The following GALNTL6 variants were observed in gnomAD, a reference collection of about 807,000 sequenced individuals.
The protein encoded by GALNTL6 is polypeptide N-acetylgalactosaminyltransferase-like 6.
A neutral mutation model predicts 73.7 loss-of-function variants in GALNTL6; 46 were observed. The ratio of observed to expected loss-of-function variants is 0.62; its 90% CI spans 0.49 to 0.80. GALNTL6 has a LOEUF of 0.80. Ranked by LOEUF, GALNTL6 falls within the 30% of genes least tolerant of loss-of-function variation. The probability of loss-of-function intolerance (pLI) is 0.00; values close to 1 mark genes in which losing one functional copy is unlikely to be tolerated. For synonymous variants in GALNTL6, 259 were observed against 263.7 expected (o/e 0.98, Z 0.17); for missense variants, 604 against 755.0 (o/e 0.80, Z 2.34).
chr4:172,863,210 C>G (rs1239940616), intron 7 of GALNTL6, among the ~76,000 whole-genome samples: 1 of 152,208 alleles, frequency 6.6e-6, no homozygotes, highest in East Asian at 1.9e-4. Context: ...AAGATGGGAT[C>G]AGAGACCCCA....
intron 2 of GALNTL6, among the ~76,000 whole-genome samples, chr4:171,820,328 A>G (rs1734647457): frequency 1.3e-5 from 2 of 152,194 alleles, no homozygotes; most frequent in Admixed American, 6.5e-5. Flanking sequence ...AAGGTAAAGC[A>G]CATCAATGTT....
chr4:172,147,596 A>C lies in GALNTL6; in HGVS notation c.139-82060A>C, dbSNP rs550015906. Among the ~76,000 whole-genome samples the C allele has an allele frequency of 2.0e-5, 3 of 152,312 alleles. No homozygotes were observed. In the South Asian group the frequency reaches 6.2e-4, roughly 32 times the overall value. The stretch of plus-strand genomic sequence containing the variant: ...CCAATTCTATCATTCAGTGTCTTTA[A>C]ACATTTTGTGGTTTCTAGAAAAGTT... On this transcript the variant is annotated intron_variant, in intron 2 of 12. Coordinates refer to ENST00000506823, the MANE Select transcript of GALNTL6 (RefSeq NM_001034845.3).
chr4:172,780,610 C>G (rs371119407), intron 5 of GALNTL6, among the ~76,000 whole-genome samples: 4 of 152,084 alleles, frequency 2.6e-5, no homozygotes, highest in African/African-American at 9.7e-5. Flanking sequence ...ACATTTTTTC[C>G]TGGCCGCTTA....
At chr4:172,332,663 A>C (rs370355326) in intron 4 of GALNTL6, among the ~76,000 whole-genome samples, 1 of 152,014 alleles carries the variant, frequency 6.6e-6, no homozygotes, top group Non-Finnish European at 1.5e-5. Flanking sequence ...AAAATATTTC[A>C]TTGTGTATAT....
intron 5 of GALNTL6, among the ~76,000 whole-genome samples, chr4:172,377,332 A>G (rs1205625470): frequency 6.6e-6 from 1 of 152,130 alleles, no homozygotes; most frequent in East Asian, 1.9e-4. Flanking sequence ...TCCCCACCAG[A>G]TTAGCTAGAT....
chr4:172,711,316 T>C (rs1444184640), intron 5 of GALNTL6, among the ~76,000 whole-genome samples: 2 of 152,078 alleles, frequency 1.3e-5, no homozygotes, highest in South Asian at 2.1e-4. Flanking sequence ...TGTAAACGTA[T>C]AGAGATTACT....
intron 8 of GALNTL6, among the ~76,000 whole-genome samples, chr4:172,926,733 C>T (rs1748081566): frequency 6.6e-6 from 1 of 152,182 alleles, no homozygotes; most frequent in African/African-American, 2.4e-5. Context: ...CCAATAAGCA[C>T]TGACATTTGA....
At chr4:172,822,871 T>C (rs1179054757) in intron 7 of GALNTL6, among the ~76,000 whole-genome samples, 1 of 152,204 alleles carries the variant, frequency 6.6e-6, no homozygotes, top group African/African-American at 2.4e-5. Flanking sequence ...GTCTGTCTAA[T>C]GTGTGAGGGT....
At chr4:172,954,824 G>T (rs1308282806) in intron 10 of GALNTL6, among the ~76,000 whole-genome samples, 1 of 151,820 alleles carries the variant, frequency 6.6e-6, no homozygotes, top group African/African-American at 2.4e-5. Context: ...CAAAGCCTCA[G>T]AACAGTAAAC....
At chr4:172,919,454 C>T (rs1403453365) in intron 8 of GALNTL6, among the ~76,000 whole-genome samples, 2 of 152,162 alleles carry the variant, frequency 1.3e-5, no homozygotes, top group African/African-American at 4.8e-5. Context: ...ATGATGAAAC[C>T]TCAGAGAAGG....
chr4:171,956,314 G>A (rs561049781), intron 2 of GALNTL6, among the ~76,000 whole-genome samples: 138 of 152,124 alleles, frequency 9.1e-4, no homozygotes, highest in African/African-American at 3.0e-3. Flanking sequence ...CCATTTATTA[G>A]TACTTCAAAA....
At chr4:172,762,919 G>A (rs1024682692) in intron 5 of GALNTL6, among the ~76,000 whole-genome samples, 2 of 151,736 alleles carry the variant, frequency 1.3e-5, no homozygotes, top group African/African-American at 4.8e-5. Context: ...CATTAGAAAA[G>A]CTTCACAATT....
intron 10 of GALNTL6, among the ~76,000 whole-genome samples, chr4:172,980,745 C>T (rs913683436): frequency 1.3e-5 from 2 of 152,138 alleles, no homozygotes; most frequent in African/African-American, 2.4e-5. Flanking sequence ...TCCTAAAAGC[C>T]GTATCTTCAA....
rs577374584 is a variant in GALNTL6, at chr4:172,613,785, C to G, written c.554-195576C>G. Among the ~76,000 whole-genome samples the G allele has an allele frequency of 2.6e-5, 4 of 152,060 alleles. No individual in the cohort carries two copies. The South Asian group carries it at 8.3e-4, about 32-fold the overall frequency. On this transcript the variant is annotated intron_variant, in intron 5 of 12. Coordinates refer to ENST00000506823, the MANE Select transcript of GALNTL6 (RefSeq NM_001034845.3). ...AAACTTCATCTTGGCTCTGTTTTTC[C>G]TTCCTCTGCTATTTACTTTGAATAG...
At chr4:172,736,506 A>C (rs1246809823) in intron 5 of GALNTL6, among the ~76,000 whole-genome samples, 2 of 152,206 alleles carry the variant, frequency 1.3e-5, no homozygotes, top group Non-Finnish European at 2.9e-5. Context: ...TTGTTAACAC[A>C]CATGCTTTAC....
At chr4:172,353,949 A>T (rs1742057130) in intron 5 of GALNTL6, among the ~76,000 whole-genome samples, 2 of 152,184 alleles carry the variant, frequency 1.3e-5, no homozygotes, top group Admixed American at 6.5e-5. Context: ...CCAAGTATAC[A>T]TTAAGGAAAG....
At position 172,336,265 on chromosome 4, in the gene GALNTL6, G is replaced by GT. The variant is rs1453823455; in HGVS notation, c.387-12254dup. ...GTTTTTGAGAACTCTTCTTGGTATA[G>GT]TTTTGTTTTGTTTTTTTTTTTTTTT... On this transcript the variant is annotated intron_variant, in intron 4 of 12. Coordinates refer to ENST00000506823, the MANE Select transcript of GALNTL6 (RefSeq NM_001034845.3). Among the ~76,000 whole-genome samples, 150 of 25,618 alleles carry GT rather than the reference G, an allele frequency of 5.9e-3. 6 individuals carry two copies. Among genetic ancestry groups the GT allele is most frequent in the East Asian group, 0.041 (28 of 678 alleles). 16.8% of individuals were successfully genotyped at this position (25,618 alleles called of 152,430 possible).
intron 2 of GALNTL6, among the ~76,000 whole-genome samples, chr4:171,827,032 T>C (rs1283003979): frequency 1.3e-5 from 2 of 152,024 alleles, no homozygotes; most frequent in Non-Finnish European, 2.9e-5. Context: ...TTTATTCAAA[T>C]GCAAAACTTG....
intron 2 of GALNTL6, among the ~76,000 whole-genome samples, chr4:171,893,274 C>G (rs1736813832): frequency 6.6e-6 from 1 of 152,210 alleles, no homozygotes; most frequent in Admixed American, 6.5e-5. Flanking sequence ...TTATAACATA[C>G]TAGCTCATAT....
Sources: gnomAD v4.1 joint callset for allele counts (sites outside exome capture counted in the v4.1 genomes callset) on GRCh38, gnomAD v4.1.1 for gene constraint, MANE v1.5 for transcripts, NCBI Gene and HGNC (gene_info 2026-07-23, HGNC 2026-07-21) for gene names.